The following ARHGAP24 variants were observed in gnomAD, a reference collection of about 807,000 sequenced individuals.
ARHGAP24 encodes the protein Rho GTPase activating protein 24.
Under a neutral mutation model 76.4 loss-of-function variants are expected in ARHGAP24, and 50 were observed. The observed-to-expected ratio is 0.65, with a 90% CI of 0.52 to 0.83. The LOEUF (loss-of-function observed/expected upper bound fraction) is 0.83, where lower values mean the gene tolerates loss of function less well. Ranked by LOEUF, ARHGAP24 falls within the 40% of genes least tolerant of loss-of-function variation. The pLI is 0.00. For missense variants in ARHGAP24, 930 were observed against 914.2 expected, an observed-to-expected ratio of 1.02 and a Z score of -0.22; for synonymous variants, 345 against 323.3, an observed-to-expected ratio of 1.07 and a Z score of -0.72.
At chr4:85,862,402 T>C (rs1465237028) in intron 3 of ARHGAP24, among the ~76,000 whole-genome samples, 1 of 152,106 alleles carries the variant, frequency 6.6e-6, no homozygotes, top group Non-Finnish European at 1.5e-5. Context: ...CTTAGCAATC[T>C]ACGAGTGATT....
chr4:85,514,530 A>G (rs1724410553), intron 1 of ARHGAP24, among the ~76,000 whole-genome samples: 1 of 152,046 alleles, frequency 6.6e-6, no homozygotes, highest in Admixed American at 6.6e-5. Context: ...CAGTTCTATT[A>G]TATATAATCC....
rs1226612677 is a variant in ARHGAP24 at position 85,942,182 on chromosome 4, G to A, written c.508G>A (p.Glu170Lys). The A allele has an allele frequency of 1.2e-6, 2 of 1,614,148 alleles. No individual in the cohort carries two copies. The highest frequency in any genetic ancestry group is 2.2e-5 in the South Asian group (2 of 91,080). The change falls in exon 5 of 10, where the codon GAA becomes AAA. Residue 170 changes from glutamate (E) to lysine (K), a missense_variant. Coordinates refer to ENST00000395184, the MANE Select transcript of ARHGAP24 (RefSeq NM_001025616.3). ...CTTTATCCGACAAAGGGGGCTGAAA[G>A]AAGAGGGTCTCTTTCGACTGCCAGG... ...VDFIRQRGLK[E>K]EGLFRLPGQA... is the part of the protein sequence containing the mutation.
chr4:85,784,326 G>A (rs1727707278), intron 3 of ARHGAP24, among the ~76,000 whole-genome samples: 1 of 151,264 alleles, frequency 6.6e-6, no homozygotes, highest in Non-Finnish European at 1.5e-5. Flanking sequence ...CCTCTTGTTA[G>A]AGGGCTCCTG....
In ARHGAP24 at chr4:85,914,999, A is replaced by C. The variant is rs111605097; in HGVS notation, c.269-8649A>C. On this transcript the variant is annotated intron_variant, in intron 3 of 9. Coordinates refer to ENST00000395184, the MANE Select transcript of ARHGAP24 (RefSeq NM_001025616.3). The stretch of plus-strand genomic sequence containing the variant: ...CAAACTAAATTAGAAGAGGATATAA[A>C]TTCTAGATACTTTAGCTCTGCCAAG... Among the ~76,000 whole-genome samples the C allele has an allele frequency of 5.8e-3, 888 of 152,326 alleles. 8 individuals are homozygous for C. Among genetic ancestry groups the C allele is most frequent in the African/African-American group, 0.018 (761 of 41,578 alleles).
intron 3 of ARHGAP24, among the ~76,000 whole-genome samples, chr4:85,722,757 G>A (rs1404887837): frequency 2.0e-5 from 3 of 152,138 alleles, no homozygotes; most frequent in Admixed American, 6.5e-5. Flanking sequence ...GGCTCCGGTT[G>A]ACCGTTTGTG....
intron 8 of ARHGAP24, among the ~76,000 whole-genome samples, chr4:85,982,905 C>T (rs1402800177): frequency 6.6e-6 from 1 of 152,072 alleles, no homozygotes; most frequent in Non-Finnish European, 1.5e-5. Context: ...AGCTACATTT[C>T]CTGATGTTTT....
chr4:85,935,512 A>G (rs1560729346), intron 4 of ARHGAP24, among the ~76,000 whole-genome samples: 1 of 152,244 alleles, frequency 6.6e-6, no homozygotes, highest in African/African-American at 2.4e-5. Context: ...CTAAGACAAT[A>G]GTGAGAATGC....
At chr4:85,487,647 T>A (rs1723147168) in intron 1 of ARHGAP24, among the ~76,000 whole-genome samples, 1 of 108,114 alleles carries the variant, frequency 9.2e-6, no homozygotes, top group Non-Finnish European at 1.6e-5. Flanking sequence ...TATAAACATA[T>A]ATTTATTACA....
At chr4:85,708,229 T>C (rs1345462683) in intron 2 of ARHGAP24, among the ~76,000 whole-genome samples, 1 of 152,176 alleles carries the variant, frequency 6.6e-6, no homozygotes, top group Non-Finnish European at 1.5e-5. Context: ...ATATAAATAA[T>C]AATAATAGAT....
At chr4:85,750,485 CTTTTTTTTTTTTTTTTT>C (rs60635375) in intron 3 of ARHGAP24, among the ~76,000 whole-genome samples, 1 of 61,616 alleles carries the variant, frequency 1.6e-5, no homozygotes, top group Non-Finnish European at 2.8e-5. Context: ...CTTTTCATTC[CTTTTTTTTTTTTTTTTT>C]TTTTTTTTTT....
chr4:85,736,167 C>A (rs1054107625), intron 3 of ARHGAP24, among the ~76,000 whole-genome samples: 1 of 152,178 alleles, frequency 6.6e-6, no homozygotes, highest in Non-Finnish European at 1.5e-5. Flanking sequence ...AAAAGAAACT[C>A]AATCCTCCCT....
intron 2 of ARHGAP24, among the ~76,000 whole-genome samples, chr4:85,648,454 T>G (rs1349512611): frequency 6.6e-6 from 1 of 152,112 alleles, no homozygotes; most frequent in East Asian, 1.9e-4. Flanking sequence ...AGAATTGTGG[T>G]GCATGTTCAT....
chr4:85,787,451 T>G (rs1727899852), intron 3 of ARHGAP24, among the ~76,000 whole-genome samples: 1 of 152,196 alleles, frequency 6.6e-6, no homozygotes, highest in African/African-American at 2.4e-5. Flanking sequence ...GTGGTCTACC[T>G]CCTTGCATTT....
chr4:85,687,814 TTTTC>T lies in ARHGAP24; in HGVS notation c.181-34067_181-34064del, dbSNP rs796532890. On this transcript the variant is annotated intron_variant, in intron 2 of 9. Coordinates refer to ENST00000395184, the MANE Select transcript of ARHGAP24 (RefSeq NM_001025616.3). ...ACTCCTGGGTCAAATGGTAGTTCTATTTTCTTTTTTTTTTAAAACAGAGTTTTGC... is the reference window on the plus strand; with the variant it reads ...ACTCCTGGGTCAAATGGTAGTTCTATTTTTTTTTTTAAAACAGAGTTTTGC... Among the ~76,000 whole-genome samples, 795 of 151,794 alleles carry T rather than the reference TTTTC, an allele frequency of 5.2e-3. 6 individuals carry two copies. The highest frequency in any genetic ancestry group is 0.018 in the African/African-American group (751 of 41,186).
chr4:85,997,367 TAGA>T, intron 9 of ARHGAP24, among the ~76,000 whole-genome samples: 1 of 99,282 alleles, frequency 1.0e-5, no homozygotes, highest in Non-Finnish European at 1.8e-5. Context: ...AGATAGATGA[TAGA>T]TATAGATAGA....
At chr4:85,711,229 C>T (rs1724515261) in intron 2 of ARHGAP24, among the ~76,000 whole-genome samples, 1 of 151,896 alleles carries the variant, frequency 6.6e-6, no homozygotes, top group African/African-American at 2.4e-5. Context: ...GCAACAGACA[C>T]TGGGGCCTAT....
intron 3 of ARHGAP24, among the ~76,000 whole-genome samples, chr4:85,905,516 T>G (rs1734727274): frequency 6.6e-6 from 1 of 152,192 alleles, no homozygotes; most frequent in Non-Finnish European, 1.5e-5. Context: ...TTTTCCTTCC[T>G]TTTTGGAAAA....
At chr4:85,862,227 C>G (rs930526949) in intron 3 of ARHGAP24, among the ~76,000 whole-genome samples, 1 of 151,924 alleles carries the variant, frequency 6.6e-6, no homozygotes, top group Non-Finnish European at 1.5e-5. Context: ...AATCAGGCAG[C>G]CCCAGAATCA....
At chr4:85,993,702 A>T (rs959620029) in intron 8 of ARHGAP24, among the ~76,000 whole-genome samples, 8 of 152,174 alleles carry the variant, frequency 5.3e-5, no homozygotes, top group African/African-American at 1.9e-4. Flanking sequence ...ATAAAATCCA[A>T]CCCTGCTCTG....
Sources: allele counts gnomAD v4.1 joint callset (sites outside exome capture counted in the v4.1 genomes callset), GRCh38; gene constraint gnomAD v4.1.1; transcripts MANE v1.5; gene names NCBI Gene and HGNC (gene_info 2026-07-23, HGNC 2026-07-21).